The following FAT3 variants were observed in gnomAD, a reference collection of about 807,000 sequenced individuals.
The protein encoded by FAT3 is FAT atypical cadherin 3.
FAT3 carries 95 observed loss-of-function variants against 310.2 expected under a neutral mutation model. The ratio of observed to expected loss-of-function variants is 0.31; its 90% CI spans 0.26 to 0.36. The LOEUF (loss-of-function observed/expected upper bound fraction) is 0.36. FAT3 is among the 10% of genes least tolerant of loss of function. The pLI is 1.00. For missense variants in FAT3, 5,408 were observed against 5,715.6 expected, an observed-to-expected ratio of 0.95 and a Z score of 1.74; for synonymous variants, 2,314 against 2,192.9, an observed-to-expected ratio of 1.06 and a Z score of -1.54.
intron 23 of FAT3, among the ~76,000 whole-genome samples, chr11:92,882,023 ACTTT>A (rs1949680092): frequency 6.6e-6 from 1 of 152,142 alleles, no homozygotes; most frequent in African/African-American, 2.4e-5. Context: ...AGAACCAAAG[ACTTT>A]CCTCTGGGGA....
chr11:92,267,894 G>C (rs1946012976), intron 1 of FAT3, among the ~76,000 whole-genome samples: 1 of 151,970 alleles, frequency 6.6e-6, no homozygotes, highest in Admixed American at 6.6e-5. Flanking sequence ...TATTTATTAG[G>C]CTCTGGGGAG....
intron 22 of FAT3, 41 bp downstream of exon 22, chr11:92,867,250 AG>A (rs1389938711): frequency 6.7e-7 from 1 of 1,496,774 alleles, no homozygotes; most frequent in South Asian, 1.3e-5. Flanking sequence ...TGGGGGTTTG[AG>A]GGGAGAGTGA....
rs140058479 is a variant in FAT3, at chr11:92,498,318, A to G, written c.3293-26316A>G. ...TACTTTTCTAACAAAAACATCATGA[A>G]GAGGATAAATAGATCGGCAAGCCTT... On this transcript the variant is annotated intron_variant, in intron 2 of 27. Coordinates refer to ENST00000525166, the MANE Select transcript of FAT3 (RefSeq NM_001367949.2). 1.9e-3 allele frequency: 458 copies of G among 239,398 alleles called. 1 individual carries two copies. Among genetic ancestry groups the G allele is most frequent in the African/African-American group, 9.7e-3 (423 of 43,730 alleles). 14.8% of individuals were successfully genotyped at this position (239,398 alleles called of 1,614,324 possible).
At chr11:92,309,384 GCACACACACACACACACA>G (rs59596533) in intron 1 of FAT3, among the ~76,000 whole-genome samples, 3 of 145,002 alleles carry the variant, frequency 2.1e-5, no homozygotes, top group African/African-American at 5.1e-5. Context: ...ACACACGCAT[GCACACACACACACACACA>G]CACACACACA....
Position 92,480,087 on chromosome 11 carries a change from A to T in FAT3, c.3293-44547A>T, listed in dbSNP as rs542903120. On this transcript the variant is annotated intron_variant, in intron 2 of 27. Coordinates refer to ENST00000525166, the MANE Select transcript of FAT3 (RefSeq NM_001367949.2). ...GAGACCATCCTGGCTAACACGGTGA[A>T]ACCCCATCTCTACTAAAAATACAAA... Among the ~76,000 whole-genome samples the T allele has an allele frequency of 2.0e-4, 30 of 152,150 alleles. No individual in the cohort carries two copies. In the East Asian group the frequency reaches 5.6e-3, roughly 28 times the overall value.
At chr11:92,676,678 G>A (rs1409597918) in intron 3 of FAT3, among the ~76,000 whole-genome samples, 2 of 152,178 alleles carry the variant, frequency 1.3e-5, no homozygotes, top group African/African-American at 2.4e-5. Flanking sequence ...CTTAGTCAAA[G>A]TGAGATTGTT....
intron 2 of FAT3, among the ~76,000 whole-genome samples, chr11:92,478,687 G>A (rs576144989): frequency 2.6e-5 from 4 of 151,860 alleles, no homozygotes; most frequent in East Asian, 1.9e-4. Context: ...CGTGATCTAC[G>A]CTCACTGCCA....
chr11:92,811,312 A>G (rs1407255128), intron 13 of FAT3, among the ~76,000 whole-genome samples: 2 of 152,224 alleles, frequency 1.3e-5, no homozygotes, highest in African/African-American at 4.8e-5. Flanking sequence ...TCACTTAATC[A>G]TTTTAAATTT....
rs567292958 is a variant in FAT3 at position 92,371,677 on chromosome 11, A to G, written c.3292+16273A>G. Among the ~76,000 whole-genome samples, 5 of 152,318 alleles carry G rather than the reference A, an allele frequency of 3.3e-5. No homozygotes were observed. The South Asian group carries it at 1.0e-3, about 32-fold the overall frequency. ...GGTTGCAGTAAGCAGAGATCGTGCC[A>G]CTGTGCTCCAGCTTGGACAACAGAG... is the stretch of plus-strand genomic sequence containing the variant. On this transcript the variant is annotated intron_variant, in intron 2 of 27. Transcript: ENST00000525166.
intron 3 of FAT3, among the ~76,000 whole-genome samples, chr11:92,528,153 A>AC (rs1222817513): frequency 1.3e-5 from 2 of 152,218 alleles, no homozygotes; most frequent in Admixed American, 6.5e-5. Flanking sequence ...TACACAAATA[A>AC]CTGGGTTTTT....
At position 92,834,959 on chromosome 11, in the gene FAT3, C is replaced by T. The variant is rs536574701; in HGVS notation, c.9961C>T (p.Leu3321Phe). The change falls in exon 15 of 28, where the codon CTC (leucine) becomes TTC (phenylalanine). Residue 3321 changes from leucine to phenylalanine, a missense_variant. Around this residue, in one of 5 missense-constraint regions of FAT3, gnomAD observed 4,588 missense variants for 4,809.8 expected, o/e 0.95. Coordinates refer to ENST00000525166, the MANE Select transcript of FAT3 (RefSeq NM_001367949.2). ...AGCCAAAGATGGGGGCACCCCAGCT[C>T]TCAGCGCTGTGGCCACTGTCAACAT... ...VEAKDGGTPA[L>F]SAVATVNINL... 8.3e-4 allele frequency: 1,341 copies of T among 1,613,398 alleles called. 22 individuals carry two copies. The South Asian group carries it at 0.014, about 16-fold the overall frequency.
At chr11:92,817,935 C>A (rs1374776830) in intron 13 of FAT3, among the ~76,000 whole-genome samples, 2 of 152,170 alleles carry the variant, frequency 1.3e-5, no homozygotes, top group Admixed American at 1.3e-4. Context: ...CAAAAGTCCA[C>A]TGGAAATGTG....
In FAT3 at chr11:92,257,131, A is replaced by G. The variant is rs372537779; in HGVS notation, c.-18+31957A>G. ...GGTTGTCACTTCTTTTAAGAATGAC[A>G]GAACCAAAAAATAAATTCCCATGTG... On this transcript the variant is annotated intron_variant, in intron 1 of 27. Coordinates refer to ENST00000525166, the MANE Select transcript of FAT3 (RefSeq NM_001367949.2). Among the ~76,000 whole-genome samples, 35 of 152,282 alleles carry G rather than the reference A, an allele frequency of 2.3e-4. No individual in the cohort carries two copies. In the South Asian group the frequency reaches 7.2e-3, roughly 32 times the overall value.
chr11:92,582,367 C>T (rs549960289), intron 3 of FAT3, among the ~76,000 whole-genome samples: 4 of 152,052 alleles, frequency 2.6e-5, no homozygotes, highest in African/African-American at 7.2e-5. Context: ...CTCTGGTTCA[C>T]GTGCCTCTGA....
chr11:92,224,842 G>C lies in FAT3; in HGVS notation c.-350G>C, dbSNP rs1051522340. Among the ~76,000 whole-genome samples, 15 of 152,212 alleles carry C rather than the reference G, an allele frequency of 9.9e-5. No homozygotes were observed. Among genetic ancestry groups the C allele is most frequent in the Non-Finnish European group, 1.9e-4 (13 of 68,008 alleles). ...CAGTAGCGGCGGCGGCTGCAGCTCG[G>C]AGCAGACAGGAGAGCCGGCGCTCCT... On this transcript the variant is annotated 5_prime_UTR_variant, in exon 1 of 28. Transcript: ENST00000525166.
chr11:92,302,327 A>G (rs1947020555), intron 1 of FAT3, among the ~76,000 whole-genome samples: 1 of 152,054 alleles, frequency 6.6e-6, no homozygotes, highest in African/African-American at 2.4e-5. Context: ...TTTCTGTAAC[A>G]TGGCTACATA....
At chr11:92,812,426 C>T (rs747748905) in intron 13 of FAT3, among the ~76,000 whole-genome samples, 3 of 151,754 alleles carry the variant, frequency 2.0e-5, no homozygotes, top group Non-Finnish European at 4.4e-5. Flanking sequence ...ACTAAAAATA[C>T]AAAAATTAGC....
intron 22 of FAT3, among the ~76,000 whole-genome samples, chr11:92,878,629 T>C (rs186011234): frequency 0.012 from 971 of 81,668 alleles, 28 homozygotes; most frequent in African/African-American, 0.05. Flanking sequence ...CAGGATGTTA[T>C]GTGTTAAAAA....
intron 3 of FAT3, among the ~76,000 whole-genome samples, chr11:92,690,386 C>G (rs1943765106): frequency 6.6e-6 from 1 of 152,150 alleles, no homozygotes; most frequent in Admixed American, 6.5e-5. Flanking sequence ...GGCTTAAGCT[C>G]CATGGGTGAT....
Sources: gnomAD v4.1 joint callset for allele counts (sites outside exome capture counted in the v4.1 genomes callset) on GRCh38, gnomAD v4.1.1 for gene constraint, gnomAD v4.1.1 regional missense constraint, MANE v1.5 for transcripts, NCBI Gene and HGNC (gene_info 2026-07-23, HGNC 2026-07-21) for gene names.